The following ENTR1 variants were observed in gnomAD, a reference collection of about 807,000 sequenced individuals.
ENTR1 encodes endosome-associated-trafficking regulator 1.
A neutral mutation model predicts 47.9 loss-of-function variants in ENTR1; 47 were observed. That is an observed-to-expected ratio of 0.98 (90% CI 0.78 to 1.25). The LOEUF (loss-of-function observed/expected upper bound fraction) is 1.25, where lower values mean the gene tolerates loss of function less well. Among genes scored for constraint, ENTR1 ranks in the 50% most tolerant of loss-of-function variants. The probability of loss-of-function intolerance (pLI) is 0.00; values close to 1 mark genes in which losing one functional copy is unlikely to be tolerated. For missense variants in ENTR1, 668 were observed against 570.5 expected (o/e 1.17, Z -1.74); for synonymous variants, 290 against 245.8 (o/e 1.18, Z -1.68).
chr9:136,409,863 C>T (rs1385963994), intron 2 of ENTR1: 3 of 689,462 alleles, frequency 4.4e-6, no homozygotes, highest in South Asian at 1.5e-5. Flanking sequence ...CTGTGCTCCC[C>T]GGGCACTAAC....
intron 6 of ENTR1, chr9:136,405,486 CCAACA>C: frequency 2.4e-6 from 1 of 422,010 alleles, no homozygotes; most frequent in Admixed American, 3.7e-5. Context: ...GCCTATAATC[CCAACA>C]CTTTAGGAGC....
intron 7 of ENTR1, 178 bp from the exon 8 acceptor site, chr9:136,404,871 G>C (rs1357757708): frequency 5.8e-6 from 4 of 686,980 alleles, no homozygotes; most frequent in Non-Finnish European, 7.4e-6. Flanking sequence ...AGGGCTCATC[G>C]TGCAGTGTCT....
rs775120473 is a variant in ENTR1 at position 136,404,145 on chromosome 9, T to C, written c.1118A>G (p.Gln373Arg). 1 of 1,612,958 alleles carries C rather than the reference T, an allele frequency of 6.2e-7. No homozygotes were observed. The highest frequency in any genetic ancestry group is 8.5e-7 in the Non-Finnish European group (1 of 1,179,778). The change falls in exon 9 of 10, where the codon CAG (glutamine) becomes CGG (arginine). Residue 373 changes from glutamine to arginine, a missense_variant. Gln to Arg is a conservative substitution (Grantham distance 43). Transcript: ENST00000357365. ...QRENEALRCG[Q>R]GASLTVVKQN... ...CTTCACCACGGTCAGGCTGGCACCC[T>C]GGCCGCACCGCAGGGCTTCATTCTC... is the stretch of plus-strand genomic sequence containing the variant.
intron 5 of ENTR1, among the ~76,000 whole-genome samples, chr9:136,406,332 G>A (rs1490589001): frequency 2.0e-5 from 3 of 152,032 alleles, no homozygotes; most frequent in East Asian, 3.9e-4. Flanking sequence ...AGCCAGCAGT[G>A]GTGGCGGGCA....
chr9:136,406,962 G>C (rs10706), intron 5 of ENTR1, 183 bp downstream of exon 5: 96,774 of 617,636 alleles, frequency 0.16, 8,561 homozygotes, highest in Admixed American at 0.23. Context: ...TCTTTAGCCG[G>C]TTCTATTCCC....
In ENTR1 at chr9:136,407,576, A is replaced by C. The variant is rs749302612; in HGVS notation, c.403-15T>G. 298 of 1,542,346 alleles carry C rather than the reference A, an allele frequency of 1.9e-4. 2 individuals carry two copies. In the South Asian group the frequency reaches 3.1e-3, roughly 16 times the overall value. On this transcript the variant is annotated splice_polypyrimidine_tract_variant and intron_variant, in intron 4 of 9. Coordinates refer to ENST00000357365, the MANE Select transcript of ENTR1 (RefSeq NM_001039707.2). ...CTCGAGGCTTCCTAAAAAAAAAAAA[A>C]AAAAAAAAACAATGGAGGCCATGCT...
At position 136,410,596 on chromosome 9, in the gene ENTR1, G is replaced by T. The variant is rs1245295155; in HGVS notation, c.-199C>A. ...CGAAAGCGCGTGCCTGAACGCCTTG[G>T]GCCGTCGGCGAGGGGGAGGGGAAGC... On this transcript the variant is annotated 5_prime_UTR_variant, in exon 1 of 10. Coordinates refer to ENST00000357365, the MANE Select transcript of ENTR1 (RefSeq NM_001039707.2). The T allele has an allele frequency of 1.6e-6, 2 of 1,267,724 alleles. No homozygotes were observed. The highest frequency in any genetic ancestry group is 1.5e-5 in the African/African-American group (1 of 65,762). The allele number at this position is 1,267,724 out of a possible 1,614,324, so 78.5% of individuals were successfully genotyped here.
chr9:136,407,586 C>T (rs1004462141), intron 4 of ENTR1, 25 bp from the exon 5 acceptor site: 3 of 1,431,316 alleles, frequency 2.1e-6, no homozygotes, highest in Non-Finnish European at 2.8e-6. Context: ...AAAAAAAAAA[C>T]AATGGAGGCC....
intron 5 of ENTR1, among the ~76,000 whole-genome samples, chr9:136,406,724 A>G (rs559822470): frequency 2.0e-5 from 3 of 151,696 alleles, no homozygotes; most frequent in South Asian, 2.1e-4. Context: ...TGATCCACCC[A>G]CCTCGGCCTC....
rs752936616 is a variant in ENTR1, at chr9:136,404,038, GCC to G, written c.1208+15_1208+16del. ...CCCTTTCCCCGCCAGGCTTCCCGGTGCCTCCCAGGCACTCACTTGATGGAAGC... is the reference window on the plus strand; with the variant it reads ...CCCTTTCCCCGCCAGGCTTCCCGGTGTCCCAGGCACTCACTTGATGGAAGC... On this transcript the variant is annotated intron_variant, in intron 9 of 9. Transcript: ENST00000357365. 1.3e-6 allele frequency: 2 copies of G among 1,557,348 alleles called. No homozygotes were observed. Among genetic ancestry groups the G allele is most frequent in the South Asian group, 2.3e-5 (2 of 86,742 alleles).
rs761101434 is a variant in ENTR1, at chr9:136,409,895, GT to G, written c.220+194del. On this transcript the variant is annotated intron_variant, in intron 2 of 9. Coordinates refer to ENST00000357365, the MANE Select transcript of ENTR1 (RefSeq NM_001039707.2). Reference sequence around the variant, plus strand: ...TAACCATCCTGTACTGGAACTGTCTGTCTTGGGGGAGGTCTCCCCGCAACCA... The same window carrying G: ...TAACCATCCTGTACTGGAACTGTCTGCTTGGGGGAGGTCTCCCCGCAACCA... 5.7e-5 allele frequency: 43 copies of G among 748,008 alleles called. No homozygotes were observed. In the African/African-American group the frequency reaches 7.1e-4, roughly 12 times the overall value. 46.3% of individuals were successfully genotyped at this position (748,008 alleles called of 1,614,324 possible).
At chr9:136,409,989 G>A (rs2131575731) in intron 2 of ENTR1, 101 bp downstream of exon 2, 7 of 1,407,452 alleles carry the variant, frequency 5.0e-6, no homozygotes, top group Non-Finnish European at 7.0e-6. Context: ...TGAGCGCTCT[G>A]CACATTGATG....
rs1834699682 is a variant in ENTR1 at position 136,405,088 on chromosome 9, T to C, written c.1005+3A>G. The C allele has an allele frequency of 2.5e-6, 4 of 1,610,918 alleles. No individual in the cohort carries two copies. The highest frequency in any genetic ancestry group is 2.7e-5 in the African/African-American group (2 of 74,978). ...TCGTCCGATTCAGAGAAGAAACCCA[T>C]ACGGTCATCAGCTCCAGGTTCTGCT... is the stretch of plus-strand genomic sequence containing the variant. On this transcript the variant is annotated splice_donor_region_variant and intron_variant, in intron 7 of 9. Coordinates refer to ENST00000357365, the MANE Select transcript of ENTR1 (RefSeq NM_001039707.2).
Position 136,405,820 on chromosome 9 carries a change from T to C in ENTR1, c.893+85A>G, listed in dbSNP as rs1376701221. On this transcript the variant is annotated intron_variant, in intron 6 of 9. Transcript: ENST00000357365. ...CAATAAAACCCAGATCTGGTTTGAC[T>C]CTGATTACTTCATTATCATTTAAAA... 3.8e-6 allele frequency: 3 copies of C among 787,334 alleles called. No individual in the cohort carries two copies. The African/African-American group carries it at 5.3e-5, about 14-fold the overall frequency. 48.8% of individuals were successfully genotyped at this position (787,334 alleles called of 1,614,324 possible). A position where few individuals can be genotyped will look rare whatever the true frequency, so the allele number is the denominator to read the frequency against.
chr9:136,409,941 G>A lies in ENTR1; in HGVS notation c.220+149C>T, dbSNP rs764919190. ...CAACCAGACTGTGAGCTCCTAGCAG[G>A]GGACTCCGCCTTTGAATTCCGAGTG... On this transcript the variant is annotated intron_variant, in intron 2 of 9. Transcript: ENST00000357365. 1.3e-5 allele frequency: 12 copies of A among 944,908 alleles called. No individual in the cohort carries two copies. In the South Asian group the frequency reaches 1.5e-4, roughly 12 times the overall value. 58.5% of individuals were successfully genotyped at this position (944,908 alleles called of 1,614,324 possible). A position where few individuals can be genotyped will look rare whatever the true frequency, so the allele number is the denominator to read the frequency against.
intron 8 of ENTR1, 140 bp from the exon 9 acceptor site, chr9:136,404,334 G>T: frequency 8.8e-7 from 1 of 1,140,554 alleles, no homozygotes; most frequent in South Asian, 1.5e-5. Flanking sequence ...GCTCGCCTCT[G>T]GGACTGGGGG....
At position 136,405,180 on chromosome 9, in the gene ENTR1, A is replaced by C; in HGVS notation, c.916T>G (p.Leu306Val). 6.2e-7 allele frequency: 1 copy of C among 1,613,972 alleles called. No homozygotes were observed. Among genetic ancestry groups the C allele is most frequent in the Non-Finnish European group, 8.5e-7 (1 of 1,179,974 alleles). Residue 306 changes from leucine (L) to valine (V), a missense_variant, in exon 7 of 10, where the codon TTA (leucine) becomes GTA (valine). Transcript: ENST00000357365. ...TCCTCCTTGATCATTTTTGCTTCTA[A>C]CTTCCGCTCAAGCGTCCTCACCCTT... is the stretch of plus-strand genomic sequence containing the variant. ...TEMVRTLERK[L>V]EAKMIKEESD...
chr9:136,407,770 A>G lies in ENTR1; in HGVS notation c.402+56T>C, dbSNP rs552287013. ...GCACGATTCCTCCAAAGGAGGCTGC[A>G]GAGGCCGGAACAGAAACGTCCCACA... On this transcript the variant is annotated intron_variant, in intron 4 of 9. Transcript: ENST00000357365. 50 of 1,446,458 alleles carry G rather than the reference A, an allele frequency of 3.5e-5. No homozygotes were observed. In the African/African-American group the frequency reaches 5.0e-4, roughly 15 times the overall value. The allele number at this position is 1,446,458 out of a possible 1,614,324, so 89.6% of individuals were successfully genotyped here.
intron 5 of ENTR1, 200 bp downstream of exon 5, chr9:136,406,945 C>T: frequency 3.5e-6 from 2 of 577,110 alleles, no homozygotes; most frequent in South Asian, 4.6e-5. Flanking sequence ...TTCTAGCTCA[C>T]CAGTCCTCTT....
Sources: gnomAD v4.1 joint callset for allele counts (sites outside exome capture counted in the v4.1 genomes callset) on GRCh38, gnomAD v4.1.1 for gene constraint, MANE v1.5 for transcripts, NCBI Gene and HGNC (gene_info 2026-07-23, HGNC 2026-07-21) for gene names.